The following PAPOLA variants were observed in gnomAD, a reference collection of about 807,000 sequenced individuals.
The protein encoded by PAPOLA is polynucleotide adenylyltransferase alpha.
Under a neutral mutation model 100.6 loss-of-function variants are expected in PAPOLA, and 15 were observed. That is an observed-to-expected ratio of 0.15 (90% CI 0.10 to 0.23). The LOEUF is 0.23. Among genes scored for constraint, PAPOLA ranks in the 10% least tolerant of loss-of-function variants. The pLI, the probability that PAPOLA is intolerant of heterozygous loss-of-function variation, is 1.00. For missense variants in PAPOLA, 533 were observed against 884.2 expected, an observed-to-expected ratio of 0.60 and a Z score of 5.04; for synonymous variants, 293 against 300.0, an observed-to-expected ratio of 0.98 and a Z score of 0.24.
intron 1 of PAPOLA, among the ~76,000 whole-genome samples, chr14:96,509,306 G>T (rs1176905162): frequency 6.6e-6 from 1 of 152,156 alleles, no homozygotes; most frequent in Non-Finnish European, 1.5e-5. Flanking sequence ...CGAGATTACA[G>T]GTGGCTCATG....
chr14:96,534,608 A>T, intron 10 of PAPOLA, 45 bp downstream of exon 10: 1 of 1,613,256 alleles, frequency 6.2e-7, no homozygotes, highest in Non-Finnish European at 8.5e-7. Context: ...CTGTGCAATA[A>T]CAAGTAAAAA....
intron 15 of PAPOLA, 41 bp downstream of exon 15, chr14:96,544,299 C>G (rs1900216517): frequency 2.1e-6 from 2 of 955,874 alleles, no homozygotes; most frequent in East Asian, 4.8e-5. Context: ...TCAGTTCTTG[C>G]ATATTTCAAA....
intron 9 of PAPOLA, 51 bp from the exon 10 acceptor site, chr14:96,534,440 T>C (rs1899344701): frequency 7.5e-6 from 12 of 1,596,832 alleles, no homozygotes; most frequent in Non-Finnish European, 1.0e-5. Flanking sequence ...AAAATACGTT[T>C]AGATGGTAAT....
chr14:96,546,628 G>A (rs1033128970), intron 15 of PAPOLA, among the ~76,000 whole-genome samples: 2 of 152,068 alleles, frequency 1.3e-5, no homozygotes, highest in Non-Finnish European at 2.9e-5. Flanking sequence ...ATTTGGTACT[G>A]AAAGACAGTA....
intron 20 of PAPOLA, among the ~76,000 whole-genome samples, chr14:96,561,353 CAAA>C (rs1395061109): frequency 6.6e-6 from 1 of 152,046 alleles, no homozygotes; most frequent in East Asian, 1.9e-4. Flanking sequence ...CCCCTTCTCC[CAAA>C]TTATCCAGAT....
chr14:96,521,378 G>T (rs1431385953), intron 3 of PAPOLA, among the ~76,000 whole-genome samples: 1 of 152,110 alleles, frequency 6.6e-6, no homozygotes, highest in South Asian at 2.1e-4. Flanking sequence ...CTCTAAAAAG[G>T]TGCTTTAAAC....
chr14:96,559,679 A>G (rs1344061156), intron 19 of PAPOLA, among the ~76,000 whole-genome samples: 2 of 150,560 alleles, frequency 1.3e-5, no homozygotes, highest in African/African-American at 4.9e-5. Context: ...AATTTCAAAC[A>G]TGTCATAAGT....
At chr14:96,561,902 T>G (rs1901877997) in intron 20 of PAPOLA, among the ~76,000 whole-genome samples, 1 of 151,872 alleles carries the variant, frequency 6.6e-6, no homozygotes, top group Non-Finnish European at 1.5e-5. Context: ...GTCCTTTTTT[T>G]GGTTTTTTTT....
chr14:96,534,925 TA>T, intron 10 of PAPOLA: 1 of 1,003,328 alleles, frequency 1.0e-6, no homozygotes, highest in Non-Finnish European at 1.2e-6. Context: ...AGTATTATGC[TA>T]AAGTTGGGTT....
intron 1 of PAPOLA, among the ~76,000 whole-genome samples, chr14:96,515,988 C>A (rs1369445618): frequency 3.3e-5 from 5 of 152,096 alleles, no homozygotes; most frequent in Non-Finnish European, 5.9e-5. Flanking sequence ...GCAGAAGAAT[C>A]CTTAATCTTT....
chr14:96,502,553 G>A lies in PAPOLA; in HGVS notation c.-40G>A, dbSNP rs1275179735. Reference sequence around the variant, plus strand: ...GCCCAGGGCGGCAGCGGCGGCGGTTGCGGGGGGGAAGTGACTGGGCGGTGC... The same window carrying A: ...GCCCAGGGCGGCAGCGGCGGCGGTTACGGGGGGGAAGTGACTGGGCGGTGC... On this transcript the variant is annotated 5_prime_UTR_variant, in exon 1 of 22. Transcript: ENST00000216277. 6.6e-7 allele frequency: 1 copy of A among 1,518,716 alleles called. No individual in the cohort carries two copies. The highest frequency in any genetic ancestry group is 8.9e-7 in the Non-Finnish European group (1 of 1,123,352). The allele number at this position is 1,518,716 out of a possible 1,614,324, so 94.1% of individuals were successfully genotyped here.
rs556221786 is a variant in PAPOLA, at chr14:96,514,391, C to G, written c.9-5664C>G. ...AGAGACGGGGTTTCACTGTGTCAGC[C>G]AGGGTGGTCTCGATCTCCTGACGTC... On this transcript the variant is annotated intron_variant, in intron 1 of 21. Transcript: ENST00000216277. 1.6e-3 allele frequency among the ~76,000 whole-genome samples: 236 copies of G among 151,864 alleles called. 2 individuals are homozygous for G. The highest frequency in any genetic ancestry group is 5.5e-3 in the African/African-American group (227 of 41,376).
chr14:96,554,902 T>C (rs1438492472), intron 17 of PAPOLA, among the ~76,000 whole-genome samples: 5 of 152,106 alleles, frequency 3.3e-5, no homozygotes, highest in African/African-American at 4.8e-5. Context: ...ATTATAGAAA[T>C]AGGTGTGTCT....
intron 13 of PAPOLA, chr14:96,542,560 T>A: frequency 1.8e-6 from 1 of 555,094 alleles, no homozygotes; most frequent in South Asian, 2.8e-5. Flanking sequence ...TTTCTTAAAA[T>A]TTTTGTGTGG....
At chr14:96,540,459 A>T (rs1259493675) in intron 12 of PAPOLA, among the ~76,000 whole-genome samples, 1 of 148,228 alleles carries the variant, frequency 6.7e-6, no homozygotes, top group African/African-American at 2.5e-5. Context: ...TGTTTTAGGG[A>T]CCTAGAAATC....
intron 3 of PAPOLA, among the ~76,000 whole-genome samples, chr14:96,524,488 C>T (rs566647029): frequency 1.3e-5 from 2 of 152,062 alleles, no homozygotes; most frequent in Admixed American, 6.6e-5. Context: ...TTCCCCTTCC[C>T]GTTCCCCTTC....
intron 12 of PAPOLA, chr14:96,537,765 C>CA (rs1899660055): frequency 2.6e-5 from 4 of 151,848 alleles, no homozygotes; most frequent in Admixed American, 2.6e-4. Flanking sequence ...GAAAATGTGC[C>CA]AAAGTCCCAC....
chr14:96,509,861 T>A (rs1367091044), intron 1 of PAPOLA, among the ~76,000 whole-genome samples: 5 of 152,228 alleles, frequency 3.3e-5, no homozygotes, highest in Non-Finnish European at 7.4e-5. Context: ...GGCACACGAC[T>A]ACTTTCAGTG....
intron 7 of PAPOLA, 43 bp from the exon 8 acceptor site, chr14:96,532,284 TTGTG>T (rs10533972): frequency 2.0e-3 from 2,877 of 1,409,246 alleles, no homozygotes; most frequent in East Asian, 6.8e-3. Context: ...TTGTTTTGTT[TTGTG>T]TGTGTGTGTG....
Sources: allele counts gnomAD v4.1 joint callset (sites outside exome capture counted in the v4.1 genomes callset), GRCh38; gene constraint gnomAD v4.1.1; transcripts MANE v1.5; gene names NCBI Gene and HGNC (gene_info 2026-07-23, HGNC 2026-07-21).